The following A2M variants were observed in gnomAD, a reference collection of about 807,000 sequenced individuals.
The protein encoded by A2M is C3 and PZP-like alpha-2-macroglobulin domain-containing protein 5.
In A2M, 128 loss-of-function variants were observed where a neutral mutation model predicts 183.9. That is an observed-to-expected ratio of 0.70 (90% CI 0.60 to 0.81). The LOEUF is 0.81. Among genes scored for constraint, A2M ranks in the 30% least tolerant of loss-of-function variants. A2M has a pLI of 0.00. For synonymous variants in A2M, 592 were observed against 670.8 expected (o/e 0.88, Z 1.81); for missense variants, 1,495 against 1,787.6 (o/e 0.84, Z 2.95).
chr12:9,068,001 ACT>A (rs1014183680), intron 35 of A2M, 162 bp from the exon 36 acceptor site: 36 of 958,852 alleles, frequency 3.8e-5, no homozygotes, highest in Admixed American at 2.8e-4. Context: ...AATCCTATGG[ACT>A]CTCTGAGGTT....
intron 26 of A2M, 119 bp downstream of exon 26, chr12:9,077,582 C>T (rs887456357): frequency 7.3e-6 from 11 of 1,510,270 alleles, no homozygotes; most frequent in South Asian, 1.3e-5. Flanking sequence ...TTTTTGGTGC[C>T]ATCCAGGTTT....
rs910998644 is a variant in A2M at position 9,074,656 on chromosome 12, C to T, written c.3660G>A (p.Gln1220=). The change falls in exon 29 of 36, where the codon CAG becomes CAA. Residue 1220 remains glutamine (Q), a synonymous_variant. Transcript: ENST00000318602. ...TCAGGTCCTCCGAGGTTGGGGCTGG[C>T]TGGGCCGTGAGATAAGCGAGGAGCA... ...SYVLLAYLTA[Q]PAPTSEDLTS... is the part of the protein sequence containing the mutation. The T allele has an allele frequency of 6.2e-7, 1 of 1,613,886 alleles. No homozygotes were observed. The highest frequency in any genetic ancestry group is 8.5e-7 in the Non-Finnish European group (1 of 1,179,984).
At chr12:9,076,167 G>A (rs770476119) in intron 28 of A2M, among the ~76,000 whole-genome samples, 13 of 152,256 alleles carry the variant, frequency 8.5e-5, no homozygotes, top group African/African-American at 2.6e-4. Context: ...ATTTTCTTAT[G>A]TTTAAGGTTA....
rs370506813 is a variant in A2M, at chr12:9,104,281, A to G, written c.1224T>C (p.Ser408=). 3 of 1,612,974 alleles carry G rather than the reference A, an allele frequency of 1.9e-6. No homozygotes were observed. The highest frequency in any genetic ancestry group is 2.5e-6 in the Non-Finnish European group (3 of 1,179,466). Residue 408 remains serine (S), a synonymous_variant, in exon 11 of 36, where the codon TCT becomes TCC. Transcript: ENST00000318602. ...TTDEHGLVQF[S]INTTNVMGTS... ...TACCCATAACATTGGTGGTGTTGAT[A>G]GAGAACTGTACAAGGCCATGCTCAT...
At position 9,115,747 on chromosome 12, in the gene A2M, C is replaced by G. The variant is rs377268785; in HGVS notation, c.86+17G>C. The G allele has an allele frequency of 9.4e-6, 15 of 1,597,998 alleles. No individual in the cohort carries two copies. The highest frequency in any genetic ancestry group is 1.2e-5 in the Non-Finnish European group (14 of 1,165,596). On this transcript the variant is annotated intron_variant, in intron 1 of 35. Coordinates refer to ENST00000318602, the MANE Select transcript of A2M (RefSeq NM_000014.6). ...GGACTCTAGGTTCATGCTTCACGCT[C>G]TCTGTGTGGAACTCACGGTTTTCCA...
chr12:9,068,414 A>T (rs184072529), intron 34 of A2M, among the ~76,000 whole-genome samples, 190 bp from the exon 35 acceptor site: 4 of 152,266 alleles, frequency 2.6e-5, no homozygotes, highest in Non-Finnish European at 5.9e-5. Flanking sequence ...ATAGTGTTTT[A>T]TATATTCTTT....
chr12:9,069,609 T>C, intron 33 of A2M, 136 bp downstream of exon 33: 2 of 576,450 alleles, frequency 3.5e-6, no homozygotes, highest in Non-Finnish European at 6.0e-6. Context: ...AGAAGAACAT[T>C]CTTTTAGAGT....
chr12:9,110,296 A>G lies in A2M; in HGVS notation c.504+18T>C. On this transcript the variant is annotated intron_variant, in intron 5 of 35. Coordinates refer to ENST00000318602, the MANE Select transcript of A2M (RefSeq NM_000014.6). ...TGTATTGCTTTCCTTTTAATATGGA[A>G]TGTTTCATGTTGCTTACCTGAATGT... The G allele has an allele frequency of 4.8e-6, 7 of 1,464,242 alleles. No homozygotes were observed. The highest frequency in any genetic ancestry group is 6.5e-6 in the Non-Finnish European group (7 of 1,079,086). 90.7% of individuals were successfully genotyped at this position (1,464,242 alleles called of 1,614,324 possible).
chr12:9,082,939 A>G (rs2137726889), intron 22 of A2M, among the ~76,000 whole-genome samples: 1 of 152,342 alleles, frequency 6.6e-6, no homozygotes, highest in African/African-American at 2.4e-5. Context: ...ATACCCAGTA[A>G]TGGGATGGCT....
At chr12:9,109,575 A>C (rs1229726621) in intron 6 of A2M, among the ~76,000 whole-genome samples, 170 bp from the exon 7 acceptor site, 1 of 152,214 alleles carries the variant, frequency 6.6e-6, no homozygotes, top group Non-Finnish European at 1.5e-5. Context: ...ATTTCAGTTG[A>C]GGGACTATGA....
intron 13 of A2M, 42 bp from the exon 14 acceptor site, chr12:9,099,565 T>C: frequency 1.9e-6 from 3 of 1,572,884 alleles, no homozygotes; most frequent in Non-Finnish European, 2.6e-6. Context: ...CATAGGTTAA[T>C]GACTATTTCC....
Position 9,091,256 on chromosome 12 carries a change from C to T in A2M, c.2414G>A (p.Gly805Glu). 6.2e-7 allele frequency: 1 copy of T among 1,614,168 alleles called. No homozygotes were observed. The highest frequency in any genetic ancestry group is 8.5e-7 in the Non-Finnish European group (1 of 1,180,042). ...ELTMPYSVIR[G>E]EAFTLKATVL... is the part of the protein sequence containing the mutation. Reference sequence around the variant, plus strand: ...CGTGGCCTTGAGTGTGAAGGCCTCTCCACGAATCACAGAGTAAGGCATTGT... The same window carrying T: ...CGTGGCCTTGAGTGTGAAGGCCTCTTCACGAATCACAGAGTAAGGCATTGT... The change falls in exon 19 of 36, where the codon GGA (glycine) becomes GAA (glutamate). Residue 805 changes from glycine (G) to glutamate (E), a missense_variant. Physicochemically the swap from Gly to Glu is moderately conservative, Grantham distance 98. Coordinates refer to ENST00000318602, the MANE Select transcript of A2M (RefSeq NM_000014.6).
chr12:9,101,601 G>A lies in A2M; in HGVS notation c.1340C>T (p.Thr447Ile), dbSNP rs1463223432. 2 of 1,614,024 alleles carry A rather than the reference G, an allele frequency of 1.2e-6. No homozygotes were observed. Among genetic ancestry groups the A allele is most frequent in the Non-Finnish European group, 1.7e-6 (2 of 1,179,900 alleles). ...GCTTGGGGAGAACACAAGATAAGCA[G>A]TGTGATGTGCCTCTTCGTGTTCTTC... ...VSEEHEEAHH[T>I]AYLVFSPSKS... Residue 447 changes from threonine (T) to isoleucine (I), a missense_variant, in exon 12 of 36, where the codon ACT (threonine) becomes ATT (isoleucine). Transcript: ENST00000318602.
intron 18 of A2M, among the ~76,000 whole-genome samples, chr12:9,092,572 C>T (rs757129376): frequency 9.2e-5 from 14 of 152,348 alleles, no homozygotes; most frequent in African/African-American, 3.4e-4. Flanking sequence ...CATTCCGGCT[C>T]TTTCTCTCCA....
At chr12:9,094,563 A>G (rs937876840) in intron 17 of A2M, among the ~76,000 whole-genome samples, 5 of 151,970 alleles carry the variant, frequency 3.3e-5, no homozygotes, top group Admixed American at 1.3e-4. Flanking sequence ...ATGATTTGAC[A>G]ATATGGGACT....
At chr12:9,075,951 GA>G (rs1948736821) in intron 28 of A2M, among the ~76,000 whole-genome samples, 1 of 152,126 alleles carries the variant, frequency 6.6e-6, no homozygotes, top group Admixed American at 6.5e-5. Flanking sequence ...ATTTTAAGAA[GA>G]ATTAATGGCT....
intron 29 of A2M, among the ~76,000 whole-genome samples, chr12:9,073,081 T>C (rs781689021): frequency 2.0e-5 from 3 of 152,262 alleles, no homozygotes; most frequent in Admixed American, 2.0e-4. Context: ...ATGCCCTACA[T>C]GTTTATTTTA....
chr12:9,081,633 C>A (rs184997999), intron 22 of A2M, among the ~76,000 whole-genome samples: 1 of 152,300 alleles, frequency 6.6e-6, no homozygotes. Flanking sequence ...TCACTTTGAC[C>A]ATGTCATTGT....
intron 7 of A2M, among the ~76,000 whole-genome samples, chr12:9,108,122 T>C (rs184123163): frequency 6.6e-6 from 1 of 151,362 alleles, no homozygotes; most frequent in East Asian, 1.9e-4. Context: ...TATTTTATTT[T>C]ATTTTATTTT....
Sources: gnomAD v4.1 joint callset for allele counts (sites outside exome capture counted in the v4.1 genomes callset) on GRCh38, gnomAD v4.1.1 for gene constraint, MANE v1.5 for transcripts, NCBI Gene and HGNC (gene_info 2026-07-23, HGNC 2026-07-21) for gene names.